Variants in FBXL17 observed in about 807,000 individuals in gnomAD.
The protein encoded by FBXL17 is F-box/LRR-repeat protein 17.
FBXL17 carries 22 observed loss-of-function variants against 66.2 expected under a neutral mutation model. The observed-to-expected ratio is 0.33, with a 90% CI of 0.24 to 0.47. The LOEUF is 0.47. Ranked by LOEUF, FBXL17 falls within the 20% of genes least tolerant of loss-of-function variation. FBXL17 has a pLI of 1.00. For missense variants in FBXL17, 878 were observed against 948.2 expected, an observed-to-expected ratio of 0.93 and a Z score of 0.97; for synonymous variants, 474 against 400.5, an observed-to-expected ratio of 1.18 and a Z score of -2.19.
intron 6 of FBXL17, among the ~76,000 whole-genome samples, chr5:108,154,671 G>A (rs1274027449): frequency 7.6e-4 from 105 of 137,954 alleles, no homozygotes; most frequent in Middle Eastern, 3.8e-3. Context: ...ACATATATAT[G>A]TGTATATATA....
At chr5:108,136,000 G>A (rs1256315699) in intron 6 of FBXL17, among the ~76,000 whole-genome samples, 14 of 152,096 alleles carry the variant, frequency 9.2e-5, no homozygotes. Flanking sequence ...CAATGAATGA[G>A]CAACAATGGT....
intron 3 of FBXL17, among the ~76,000 whole-genome samples, chr5:108,358,536 T>C (rs766066803): frequency 1.2e-4 from 18 of 152,292 alleles, no homozygotes; most frequent in Non-Finnish European, 2.4e-4. Flanking sequence ...GGATAAATCA[T>C]AGTAGGTTAC....
intron 8 of FBXL17, 69 bp downstream of exon 8, chr5:107,880,968 A>C: frequency 6.2e-7 from 1 of 1,612,716 alleles, no homozygotes; most frequent in Non-Finnish European, 8.5e-7. Flanking sequence ...AGAAGGAGAG[A>C]GGATATGACA....
intron 4 of FBXL17, among the ~76,000 whole-genome samples, chr5:108,295,596 A>C (rs1192428232): frequency 6.6e-6 from 1 of 151,990 alleles, no homozygotes; most frequent in Non-Finnish European, 1.5e-5. Context: ...TTGACAGATC[A>C]AACAAACAAA....
At chr5:108,063,839 A>T (rs1748014438) in intron 6 of FBXL17, among the ~76,000 whole-genome samples, 1 of 152,168 alleles carries the variant, frequency 6.6e-6, no homozygotes, top group Non-Finnish European at 1.5e-5. Context: ...CTTGGATGAA[A>T]AAAACAACAG....
At chr5:107,879,465 GTGCTGT>G (rs1280004292) in intron 8 of FBXL17, 1 of 985,346 alleles carries the variant, frequency 1.0e-6, no homozygotes, top group Non-Finnish European at 1.2e-6. Flanking sequence ...CCGGATCTCA[GTGCTGT>G]TGCTTAGTTA....
At chr5:107,881,818 T>A (rs1015136378) in intron 7 of FBXL17, among the ~76,000 whole-genome samples, 1 of 152,210 alleles carries the variant, frequency 6.6e-6, no homozygotes, top group African/African-American at 2.4e-5. Context: ...TCAGAAGTCT[T>A]CCTTCTATTA....
chr5:108,364,343 A>G (rs1280135331), intron 3 of FBXL17, among the ~76,000 whole-genome samples: 1 of 151,950 alleles, frequency 6.6e-6, no homozygotes, highest in Non-Finnish European at 1.5e-5. Flanking sequence ...TTGGACGTCC[A>G]TTTATCCCTT....
intron 5 of FBXL17, among the ~76,000 whole-genome samples, chr5:108,201,020 G>C: frequency 6.6e-6 from 1 of 152,016 alleles, no homozygotes; most frequent in Non-Finnish European, 1.5e-5. Context: ...AAAATGTTGA[G>C]GTTCCAAGCT....
intron 7 of FBXL17, among the ~76,000 whole-genome samples, chr5:107,886,296 A>G (rs1748968306): frequency 1.3e-5 from 2 of 152,222 alleles, no homozygotes; most frequent in African/African-American, 4.8e-5. Context: ...ACACATACAC[A>G]GATACATAGA....
intron 5 of FBXL17, among the ~76,000 whole-genome samples, chr5:108,203,702 T>A (rs1753992846): frequency 6.6e-6 from 1 of 152,146 alleles, no homozygotes; most frequent in African/African-American, 2.4e-5. Context: ...TATTACCATT[T>A]AAGTAGTAAA....
intron 5 of FBXL17, among the ~76,000 whole-genome samples, chr5:108,217,525 CTTCTT>C (rs892340482): frequency 7.9e-5 from 12 of 152,048 alleles, no homozygotes; most frequent in African/African-American, 2.7e-4. Context: ...AATTTCCTCT[CTTCTT>C]TTTGCTTTCC....
chr5:108,263,932 T>C (rs1268034519), intron 4 of FBXL17, among the ~76,000 whole-genome samples: 1 of 152,104 alleles, frequency 6.6e-6, no homozygotes, highest in Non-Finnish European at 1.5e-5. Flanking sequence ...ATCTCTACTT[T>C]ATGCCGGGTG....
rs188993168 is a variant in FBXL17, at chr5:108,096,294, G to A, written c.1746-75293C>T. Among the ~76,000 whole-genome samples, 917 of 152,266 alleles carry A rather than the reference G, an allele frequency of 6.0e-3. 14 individuals are homozygous for A. The highest frequency in any genetic ancestry group is 0.021 in the African/African-American group (881 of 41,554). ...ATTCATTATCAATAACATTGATCCT[G>A]TGCAAATAGAAAATATAGTGTTTTT... On this transcript the variant is annotated intron_variant, in intron 6 of 8. Transcript: ENST00000542267.
intron 7 of FBXL17, among the ~76,000 whole-genome samples, chr5:107,931,267 T>A (rs1279391964): frequency 6.6e-6 from 1 of 151,530 alleles, no homozygotes; most frequent in Non-Finnish European, 1.5e-5. Context: ...ATTTTTTTTT[T>A]TTTTTTTTTG....
chr5:108,177,241 T>C (rs1752826583), intron 6 of FBXL17, among the ~76,000 whole-genome samples: 1 of 152,168 alleles, frequency 6.6e-6, no homozygotes, highest in Non-Finnish European at 1.5e-5. Context: ...AACACAAAAA[T>C]GGGCAAAATT....
At chr5:108,354,301 A>G (rs1242816505) in intron 3 of FBXL17, among the ~76,000 whole-genome samples, 1 of 152,196 alleles carries the variant, frequency 6.6e-6, no homozygotes, top group African/African-American at 2.4e-5. Context: ...ACTACAATTA[A>G]TATGTTAAGA....
chr5:108,193,504 T>C (rs1332282343), intron 5 of FBXL17, among the ~76,000 whole-genome samples: 1 of 152,066 alleles, frequency 6.6e-6, no homozygotes, highest in Non-Finnish European at 1.5e-5. Flanking sequence ...ACTTCCATCC[T>C]TGAGAAGGTC....
intron 4 of FBXL17, among the ~76,000 whole-genome samples, chr5:108,294,831 C>G (rs149921316): frequency 2.6e-5 from 4 of 152,042 alleles, no homozygotes; most frequent in Non-Finnish European, 5.9e-5. Context: ...CTGCAATAAA[C>G]CTTGTTACAG....
Sources: allele counts gnomAD v4.1 joint callset (sites outside exome capture counted in the v4.1 genomes callset), GRCh38; gene constraint gnomAD v4.1.1; transcripts MANE v1.5; gene names NCBI Gene and HGNC (gene_info 2026-07-23, HGNC 2026-07-21).